The following DNAH12 variants were observed in gnomAD, a reference collection of about 807,000 sequenced individuals.
DNAH12 encodes the protein dynein axonemal heavy chain 12, also known as axonemal beta dynein heavy chain 12.
A neutral mutation model predicts 371.5 loss-of-function variants in DNAH12; 285 were observed. The observed-to-expected ratio is 0.77, with a 90% CI of 0.70 to 0.85. The LOEUF is 0.85. DNAH12 is among the 40% of genes least tolerant of loss of function. DNAH12 has a pLI of 0.00. For synonymous variants in DNAH12, 1,200 were observed against 1,213.0 expected (o/e 0.99, Z 0.22); for missense variants, 3,611 against 3,689.4 (o/e 0.98, Z 0.55).
chr3:57,443,274 T>G (rs989609257), intron 29 of DNAH12, among the ~76,000 whole-genome samples: 5 of 152,056 alleles, frequency 3.3e-5, no homozygotes, highest in African/African-American at 1.2e-4. Flanking sequence ...CATGCCCCGC[T>G]AATTTTTGTA....
chr3:57,318,460 T>C (rs1294453984), intron 65 of DNAH12, among the ~76,000 whole-genome samples: 2 of 152,140 alleles, frequency 1.3e-5, no homozygotes. Flanking sequence ...CAAAGATCAG[T>C]TGACCTTATA....
chr3:57,449,272 G>A (rs367566336), intron 25 of DNAH12, among the ~76,000 whole-genome samples: 5 of 152,242 alleles, frequency 3.3e-5, no homozygotes, highest in South Asian at 2.1e-4. Context: ...TCAGAAGCCC[G>A]GCTGGCTTCA....
At chr3:57,417,237 T>C (rs186603396) in intron 37 of DNAH12, among the ~76,000 whole-genome samples, 181 of 146,062 alleles carry the variant, frequency 1.2e-3, no homozygotes, top group African/African-American at 4.3e-3. Flanking sequence ...GCAAGAAGAG[T>C]GAAACACCTT....
chr3:57,353,042 C>A (rs936676148), intron 59 of DNAH12, among the ~76,000 whole-genome samples: 1 of 151,896 alleles, frequency 6.6e-6, no homozygotes, highest in African/African-American at 2.4e-5. Flanking sequence ...TGTGAGATCA[C>A]GTCACTGCAC....
chr3:57,352,084 C>G lies in DNAH12; in HGVS notation c.9674+1G>C. 1.3e-6 allele frequency: 2 copies of G among 1,503,046 alleles called. No homozygotes were observed. The highest frequency in any genetic ancestry group is 1.8e-6 in the Non-Finnish European group (2 of 1,133,356). The allele number at this position is 1,503,046 out of a possible 1,614,324, so 93.1% of individuals were successfully genotyped here. A position where few individuals can be genotyped will look rare whatever the true frequency, so the allele number is the denominator to read the frequency against. On this transcript the variant is annotated splice_donor_variant, in intron 60 of 73. Coordinates refer to ENST00000495027, the MANE Select transcript of DNAH12 (RefSeq NM_001366028.2). LOFTEE classifies it high-confidence loss of function. ...AATTATGGTAAAAGCAAGTAACTTA[C>G]AGAAGAAGATTGGCACATAATAAAA...
In DNAH12 at chr3:57,335,639, C is replaced by A. The variant is rs569199010; in HGVS notation, c.9675-699G>T. 7.2e-5 allele frequency among the ~76,000 whole-genome samples: 11 copies of A among 152,290 alleles called. No individual in the cohort carries two copies. The South Asian group carries it at 2.3e-3, about 32-fold the overall frequency. ...AACATAATGGCATGTATTTGTGTAT[C>A]TAAACGTAGAAAAGAACAGTAAAAA... On this transcript the variant is annotated intron_variant, in intron 60 of 73. Transcript: ENST00000495027.
At position 57,314,516 on chromosome 3, in the gene DNAH12, C is replaced by T. The variant is rs867873899; in HGVS notation, c.10640G>A (p.Arg3547His). 7.7e-6 allele frequency: 12 copies of T among 1,550,866 alleles called. No homozygotes were observed. Among genetic ancestry groups the T allele is most frequent in the South Asian group, 1.2e-5 (1 of 83,858 alleles). The change falls in exon 66 of 74, where the codon CGC becomes CAC. Residue 3547 changes from arginine (R) to histidine (H), a missense_variant. Physicochemically the swap from Arg to His is conservative, Grantham distance 29. Around this residue, in one of 3 missense-constraint regions of DNAH12, gnomAD observed 2,266 missense variants for 2,236.9 expected, o/e 1.01. Coordinates refer to ENST00000495027, the MANE Select transcript of DNAH12 (RefSeq NM_001366028.2). ...TACCTGCAGTTGTCGGATACTGATG[C>T]GCAAGTCAGATTCATTAAATCCATA... ...IPYGFNESDL[R>H]ISIRQLQLFI...
At chr3:57,519,557 G>A in intron 4 of DNAH12, 2 of 649,002 alleles carry the variant, frequency 3.1e-6, no homozygotes, top group Admixed American at 2.4e-5. Context: ...CAGATCCATC[G>A]ACTCCTATTT....
chr3:57,509,861 TAAAAAAAAAAAAAAAAA>T (rs902155403), intron 5 of DNAH12, among the ~76,000 whole-genome samples: 3 of 46,554 alleles, frequency 6.4e-5, no homozygotes, highest in African/African-American at 1.8e-4. Flanking sequence ...GACTCCATCA[TAAAAAAAAAAAAAAAAA>T]AAAAAAAAAA....
intron 39 of DNAH12, 39 bp downstream of exon 39, chr3:57,413,707 G>C: frequency 6.6e-7 from 1 of 1,517,780 alleles, no homozygotes; most frequent in Non-Finnish European, 8.8e-7. Context: ...TAAAAACTGA[G>C]GTATAACTTC....
intron 29 of DNAH12, among the ~76,000 whole-genome samples, chr3:57,439,600 G>C (rs2065242882): frequency 6.6e-6 from 1 of 152,074 alleles, no homozygotes; most frequent in Non-Finnish European, 1.5e-5. Flanking sequence ...AGAAAACCTA[G>C]GAATCACCAT....
At chr3:57,372,394 A>G (rs2063193815) in intron 55 of DNAH12, among the ~76,000 whole-genome samples, 1 of 152,084 alleles carries the variant, frequency 6.6e-6, no homozygotes, top group Non-Finnish European at 1.5e-5. Flanking sequence ...CCAAACAGAA[A>G]CTCAAAGAAA....
chr3:57,392,863 A>C (rs2063653922), intron 44 of DNAH12, among the ~76,000 whole-genome samples: 1 of 149,608 alleles, frequency 6.7e-6, no homozygotes, highest in Non-Finnish European at 1.5e-5. Flanking sequence ...TCCATTCCCC[A>C]AAGGTGACTA....
At chr3:57,360,300 G>C (rs2153327568) in intron 58 of DNAH12, among the ~76,000 whole-genome samples, 1 of 151,450 alleles carries the variant, frequency 6.6e-6, no homozygotes, top group East Asian at 1.9e-4. Flanking sequence ...ACAAAACAAA[G>C]CACCAAATAG....
intron 69 of DNAH12, among the ~76,000 whole-genome samples, chr3:57,302,918 T>C (rs1468651643): frequency 6.6e-6 from 1 of 151,804 alleles, no homozygotes; most frequent in Non-Finnish European, 1.5e-5. Flanking sequence ...CACATAGGTC[T>C]AGCTAATGTT....
chr3:57,298,240 C>T (rs2061274521), intron 70 of DNAH12, among the ~76,000 whole-genome samples: 1 of 152,212 alleles, frequency 6.6e-6, no homozygotes. Flanking sequence ...TACTTCCAGC[C>T]TGAGTGACTG....
At position 57,314,486 on chromosome 3, in the gene DNAH12, A is replaced by T; in HGVS notation, c.10662+8T>A. 1 of 1,550,970 alleles carries T rather than the reference A, an allele frequency of 6.4e-7. No individual in the cohort carries two copies. Among genetic ancestry groups the T allele is most frequent in the Non-Finnish European group, 8.7e-7 (1 of 1,146,782 alleles). On this transcript the variant is annotated splice_region_variant and intron_variant, in intron 66 of 73. Transcript: ENST00000495027. ...CCTTCATGAATGTTAATTTCTTGTT[A>T]ATTTTACCTGCAGTTGTCGGATACT...
intron 42 of DNAH12, 139 bp downstream of exon 42, chr3:57,404,830 A>G: frequency 1.4e-6 from 1 of 733,544 alleles, no homozygotes; most frequent in Non-Finnish European, 2.0e-6. Flanking sequence ...ATAAATTACT[A>G]ATATTTTATG....
At chr3:57,505,279 A>C (rs1381947806) in intron 8 of DNAH12, among the ~76,000 whole-genome samples, 3 of 114,594 alleles carry the variant, frequency 2.6e-5, no homozygotes, top group Non-Finnish European at 5.1e-5. Flanking sequence ...TACCTTTCCC[A>C]GCCTCTGGTA....
Sources: allele counts gnomAD v4.1 joint callset (sites outside exome capture counted in the v4.1 genomes callset), GRCh38; gene constraint gnomAD v4.1.1; regional missense constraint gnomAD v4.1.1; transcripts MANE v1.5; gene names NCBI Gene and HGNC (gene_info 2026-07-23, HGNC 2026-07-21).